Variants in KIF1B observed in about 807,000 individuals in gnomAD.
KIF1B encodes the protein kinesin family member 1B, also known as kinesin-like protein KIF1B.
KIF1B carries 76 observed loss-of-function variants against 241.9 expected under a neutral mutation model. The ratio of observed to expected loss-of-function variants is 0.31; its 90% CI spans 0.26 to 0.38. The LOEUF (loss-of-function observed/expected upper bound fraction) is 0.38, where lower values mean the gene tolerates loss of function less well. Ranked by LOEUF, KIF1B falls within the 10% of genes least tolerant of loss-of-function variation. The probability of loss-of-function intolerance (pLI) is 1.00; values close to 1 mark genes in which losing one functional copy is unlikely to be tolerated. For missense variants in KIF1B, 1,622 were observed against 2,271.4 expected (o/e 0.71, Z 5.81); for synonymous variants, 750 against 796.7 (o/e 0.94, Z 0.99).
At chr1:10,322,372 A>C (rs1003131179) in intron 24 of KIF1B, among the ~76,000 whole-genome samples, 1 of 152,122 alleles carries the variant, frequency 6.6e-6, no homozygotes, top group African/African-American at 2.4e-5. Flanking sequence ...CCCCATCTAC[A>C]TAATGGGGTT....
At position 10,297,026 on chromosome 1, in the gene KIF1B, G is replaced by A. The variant is rs1650301063; in HGVS notation, c.1991G>A (p.Arg664Lys). 6.2e-7 allele frequency: 1 copy of A among 1,614,074 alleles called. No homozygotes were observed. The highest frequency in any genetic ancestry group is 2.2e-5 in the East Asian group (1 of 44,874). Residue 664 changes from arginine to lysine, a missense_variant, in exon 21 of 49, where the codon AGG becomes AAG. Coordinates refer to ENST00000676179, the MANE Select transcript of KIF1B (RefSeq NM_001365951.3). The stretch of plus-strand genomic sequence containing the variant: ...CCTGTGGACTGGACATTTGCCCAGA[G>A]GGAGCTTCTGGAAAAACAAGGAATT... The part of the protein sequence containing the change: ...SEPVDWTFAQ[R>K]ELLEKQGIDM...
chr1:10,291,929 A>T (rs780708042), intron 16 of KIF1B, 118 bp from the exon 17 acceptor site: 20 of 796,066 alleles, frequency 2.5e-5, no homozygotes, highest in Non-Finnish European at 4.4e-5. Context: ...TGTTTGCATT[A>T]TTGGCTATAA....
At chr1:10,338,802 G>T (rs1421041277) in intron 31 of KIF1B, among the ~76,000 whole-genome samples, 1 of 152,222 alleles carries the variant, frequency 6.6e-6, no homozygotes, top group Non-Finnish European at 1.5e-5. Flanking sequence ...GAGTTCACCT[G>T]TCGTCAGGGA....
At chr1:10,282,083 T>C (rs908405569) in intron 14 of KIF1B, among the ~76,000 whole-genome samples, 12 of 152,224 alleles carry the variant, frequency 7.9e-5, no homozygotes, top group Admixed American at 4.6e-4. Context: ...CATTGGAATC[T>C]TTTAGTTTGT....
intron 1 of KIF1B, among the ~76,000 whole-genome samples, chr1:10,212,714 T>C (rs1046851961): frequency 6.6e-6 from 1 of 151,770 alleles, no homozygotes; most frequent in Non-Finnish European, 1.5e-5. Context: ...TGGGACTCTG[T>C]CTCTACAAAA....
At chr1:10,300,418 A>T (rs1650483428) in intron 22 of KIF1B, among the ~76,000 whole-genome samples, 1 of 151,926 alleles carries the variant, frequency 6.6e-6, no homozygotes, top group African/African-American at 2.4e-5. Flanking sequence ...TCAAAATGGC[A>T]GTATTTTAAA....
At chr1:10,222,381 G>C (rs1337849171) in intron 1 of KIF1B, among the ~76,000 whole-genome samples, 1 of 152,126 alleles carries the variant, frequency 6.6e-6, no homozygotes, top group Non-Finnish European at 1.5e-5. Context: ...GAGGTAGGTT[G>C]GATTGTGGAG....
chr1:10,232,871 A>G (rs1214945825), intron 2 of KIF1B, among the ~76,000 whole-genome samples: 1 of 152,222 alleles, frequency 6.6e-6, no homozygotes, highest in East Asian at 1.9e-4. Context: ...TGGATATAAT[A>G]TATAGTAAAC....
At chr1:10,345,738 T>G in intron 34 of KIF1B, 107 bp from the exon 35 acceptor site, 1 of 800,202 alleles carries the variant, frequency 1.2e-6, no homozygotes, top group Non-Finnish European at 2.2e-6. Flanking sequence ...CCTCTGACTC[T>G]TGCTGCCTTT....
intron 7 of KIF1B, 138 bp from the exon 8 acceptor site, chr1:10,271,364 T>C (rs971870190): frequency 6.2e-5 from 46 of 743,564 alleles, no homozygotes; most frequent in South Asian, 4.8e-4. Context: ...TCTTGATCTT[T>C]TTGTGCCATA....
At chr1:10,277,160 A>G (rs1055958474) in intron 12 of KIF1B, among the ~76,000 whole-genome samples, 1 of 152,074 alleles carries the variant, frequency 6.6e-6, no homozygotes, top group Non-Finnish European at 1.5e-5. Flanking sequence ...AAAATTACCA[A>G]CATAGCCAGG....
chr1:10,270,751 C>T (rs1364104222), intron 7 of KIF1B, among the ~76,000 whole-genome samples: 3 of 151,690 alleles, frequency 2.0e-5, no homozygotes, highest in African/African-American at 2.4e-5. Flanking sequence ...GGTGAAACCC[C>T]GTCTCTACTA....
chr1:10,304,976 T>G, intron 22 of KIF1B: 1 of 1,144,182 alleles, frequency 8.7e-7, no homozygotes, highest in Non-Finnish European at 1.1e-6. Context: ...TTATAATGCC[T>G]ATAAATTAAT....
chr1:10,236,412 T>C (rs775163769), intron 2 of KIF1B, among the ~76,000 whole-genome samples: 3 of 152,242 alleles, frequency 2.0e-5, no homozygotes, highest in Non-Finnish European at 4.4e-5. Context: ...CAGCTGATTA[T>C]AACACATTGT....
rs1269137480 is a variant in KIF1B at position 10,291,825 on chromosome 1, A to G, written c.1515-222A>G. Among the ~76,000 whole-genome samples the G allele has an allele frequency of 2.0e-5, 3 of 152,182 alleles. No individual in the cohort carries two copies. In the East Asian group the frequency reaches 5.8e-4, roughly 29 times the overall value. ...AGACAAAGTTCTTATCTCAGTGAAT[A>G]TAACTTTAACAAAGCAAGATTTCAT... On this transcript the variant is annotated intron_variant, in intron 16 of 48. Coordinates refer to ENST00000676179, the MANE Select transcript of KIF1B (RefSeq NM_001365951.3).
Position 10,267,686 on chromosome 1 carries a change from TTGAC to T in KIF1B, c.608+131_608+134del, listed in dbSNP as rs1648544405. The T allele has an allele frequency of 1.2e-5, 10 of 805,700 alleles. No individual in the cohort carries two copies. The East Asian group carries it at 2.1e-4, about 17-fold the overall frequency. 49.9% of individuals were successfully genotyped at this position (805,700 alleles called of 1,614,324 possible). A position where few individuals can be genotyped will look rare whatever the true frequency, so the allele number is the denominator to read the frequency against. On this transcript the variant is annotated intron_variant, in intron 6 of 48. Transcript: ENST00000676179. ...TTTAATTGTGGAGTCCTCTGATCCTTTGACTGTGCTGTAACAGTGAGGGCTTCAG... is the reference window on the plus strand; with the variant it reads ...TTTAATTGTGGAGTCCTCTGATCCTTTGTGCTGTAACAGTGAGGGCTTCAG...
At chr1:10,286,708 T>G (rs556488871) in intron 15 of KIF1B, among the ~76,000 whole-genome samples, 1 of 152,362 alleles carries the variant, frequency 6.6e-6, no homozygotes, top group South Asian at 2.1e-4. Flanking sequence ...ATGAACATAA[T>G]TTATTAACCA....
intron 1 of KIF1B, among the ~76,000 whole-genome samples, chr1:10,224,809 A>G (rs1202877555): frequency 6.6e-6 from 1 of 152,172 alleles, no homozygotes; most frequent in African/African-American, 2.4e-5. Flanking sequence ...AAAAATAACT[A>G]TTGTATTCAA....
rs1318090291 is a variant in KIF1B, at chr1:10,378,234, C to G, written c.*1647C>G. 2.9e-6 allele frequency: 2 copies of G among 698,868 alleles called. No homozygotes were observed. Among genetic ancestry groups the G allele is most frequent in the African/African-American group, 1.8e-5 (1 of 56,462 alleles). The allele number at this position is 698,868 out of a possible 1,614,324, so 43.3% of individuals were successfully genotyped here. ...GATGAACGTCCAGGGAGCCCGGGCC[C>G]CAGGCTTTGTTGCGTGTTCCCTGCT... On this transcript the variant is annotated 3_prime_UTR_variant, in exon 49 of 49. Coordinates refer to ENST00000676179, the MANE Select transcript of KIF1B (RefSeq NM_001365951.3).
Sources: gnomAD v4.1 joint callset for allele counts (sites outside exome capture counted in the v4.1 genomes callset) on GRCh38, gnomAD v4.1.1 for gene constraint, MANE v1.5 for transcripts, NCBI Gene and HGNC (gene_info 2026-07-23, HGNC 2026-07-21) for gene names.